The following IAH1 variants were observed in gnomAD, a reference collection of about 807,000 sequenced individuals.
The protein encoded by IAH1 is isoamyl acetate hydrolyzing esterase 1 (putative).
A neutral mutation model predicts 26.7 loss-of-function variants in IAH1; 24 were observed. That is an observed-to-expected ratio of 0.90 (90% CI 0.65 to 1.26). The LOEUF (loss-of-function observed/expected upper bound fraction) is 1.26. Ranked by LOEUF, IAH1 falls within the 50% of genes most tolerant of loss-of-function variation. IAH1 has a pLI of 0.00. For missense variants in IAH1, 300 were observed against 299.9 expected (o/e 1.00, Z 0.00); for synonymous variants, 140 against 118.5 (o/e 1.18, Z -1.18).
downstream of IAH1, among the ~76,000 whole-genome samples, chr2:9,492,223 T>C (rs1420974521): frequency 2.0e-5 from 3 of 152,234 alleles, no homozygotes; most frequent in Non-Finnish European, 4.4e-5. Flanking sequence ...TGGGTGTGAC[T>C]TTCTCATCTC....
downstream of IAH1, among the ~76,000 whole-genome samples, chr2:9,498,864 C>T (rs545232162): frequency 2.0e-5 from 3 of 152,242 alleles, no homozygotes; most frequent in East Asian, 5.8e-4. Flanking sequence ...AGACTAAAGT[C>T]AGAGTATTAG....
Position 9,488,240 on chromosome 2 carries a change from G to T in IAH1, c.658G>T (p.Val220Phe). ...TCTCTGGCCTTTGATAGAGAAAAAG[G>T]TCTCTTCTCTACCTTTGCTGCTTCC... is the stretch of plus-strand genomic sequence containing the variant. ...SHLWPLIEKK[V>F]SSLPLLLPYW... is the part of the protein sequence containing the mutation. The change falls in exon 6 of 6, where the codon GTC becomes TTC. Residue 220 changes from valine (V) to phenylalanine (F), a missense_variant. Coordinates refer to ENST00000497473, the MANE Select transcript of IAH1 (RefSeq NM_001039613.3). 4 of 1,613,300 alleles carry T rather than the reference G, an allele frequency of 2.5e-6. No individual in the cohort carries two copies. Among genetic ancestry groups the T allele is most frequent in the Non-Finnish European group, 3.4e-6 (4 of 1,179,472 alleles).
chr2:9,481,380 T>C lies in IAH1; in HGVS notation c.378T>C (p.Asn126=). Residue 126 remains asparagine (N), a synonymous_variant, in exon 4 of 6, where the codon AAT becomes AAC. Coordinates refer to ENST00000497473, the MANE Select transcript of IAH1 (RefSeq NM_001039613.3). ...QYLKSVDIPE[N]RVILITPTPL... is the part of the protein sequence containing the mutation. The stretch of plus-strand genomic sequence containing the variant: ...TGAAGTCCGTGGACATCCCTGAGAA[T>C]CGAGTCATTCTCATCACGCCGACCC... The C allele has an allele frequency of 6.2e-7, 1 of 1,614,102 alleles. No homozygotes were observed.
intron 2 of IAH1, among the ~76,000 whole-genome samples, chr2:9,476,246 G>A (rs1021155018): frequency 6.6e-6 from 1 of 152,228 alleles, no homozygotes; most frequent in Non-Finnish European, 1.5e-5. Flanking sequence ...AGCACTGATG[G>A]CTGGGTAGAC....
At chr2:9,499,450 G>A (rs1662865211), downstream of IAH1, among the ~76,000 whole-genome samples, 1 of 151,900 alleles carries the variant, frequency 6.6e-6, no homozygotes, top group Non-Finnish European at 1.5e-5. Flanking sequence ...TGCCCAGGCT[G>A]GAGTGCAGTG....
chr2:9,479,772 T>G (rs949175020), intron 3 of IAH1, among the ~76,000 whole-genome samples: 1 of 145,438 alleles, frequency 6.9e-6, no homozygotes, highest in Non-Finnish European at 1.5e-5. Flanking sequence ...GCCAGATGTG[T>G]GTGCGGAGAT....
chr2:9,495,852 C>T (rs1053262552), intron 6 of IAH1, among the ~76,000 whole-genome samples: 3 of 149,320 alleles, frequency 2.0e-5, no homozygotes, highest in Admixed American at 6.7e-5. Context: ...GCATCTGCTA[C>T]GTGTTACCTT....
downstream of IAH1, chr2:9,490,478 C>T (rs147275585): frequency 3.3e-5 from 54 of 1,613,908 alleles, no homozygotes; most frequent in South Asian, 4.4e-5. Context: ...TTTGATAATG[C>T]GAACCGATGC....
chr2:9,484,631 A>AG (rs1355995316), intron 5 of IAH1, 81 bp downstream of exon 5: 43 of 915,424 alleles, frequency 4.7e-5, no homozygotes, highest in Non-Finnish European at 6.2e-5. Flanking sequence ...AGCTTTCCCT[A>AG]GAAAGGCCCT....
At chr2:9,490,466 G>T (rs768949233), downstream of IAH1, 3 of 1,614,018 alleles carry the variant, frequency 1.9e-6, no homozygotes, top group South Asian at 1.1e-5. Flanking sequence ...CGCAGGAAAG[G>T]GTTTGATAAT....
At chr2:9,492,053 A>G (rs1662200376), downstream of IAH1, among the ~76,000 whole-genome samples, 1 of 152,220 alleles carries the variant, frequency 6.6e-6, no homozygotes, top group African/African-American at 2.4e-5. Context: ...CCTGAGGAAG[A>G]GCTGCTCTGT....
At chr2:9,510,267 C>G in the IAH1 span, 19 of 1,001,210 alleles carry the variant, frequency 1.9e-5, no homozygotes, top group Non-Finnish European at 2.6e-5. Flanking sequence ...GCTTATAATA[C>G]CAGCACTTTA....
intron 5 of IAH1, among the ~76,000 whole-genome samples, chr2:9,487,841 C>CAT (rs1661680512): frequency 7.3e-6 from 1 of 137,448 alleles, no homozygotes; most frequent in Admixed American, 7.1e-5. Flanking sequence ...TGTGCGCGCG[C>CAT]GCGCGCGCGC....
chr2:9,505,596 ATTC>A, the IAH1 span: 9 of 536,454 alleles, frequency 1.7e-5, 1 homozygote, highest in South Asian at 1.7e-4. Context: ...AGGATCTATA[ATTC>A]TTCTTACGAA....
downstream of IAH1, chr2:9,497,341 A>C: frequency 6.5e-7 from 1 of 1,526,988 alleles, no homozygotes; most frequent in South Asian, 1.3e-5. Flanking sequence ...ACAAGTGAGC[A>C]TCTTACCTTG....
At chr2:9,496,919 A>G (rs1460300111), downstream of IAH1, among the ~76,000 whole-genome samples, 1 of 152,220 alleles carries the variant, frequency 6.6e-6, no homozygotes, top group African/African-American at 2.4e-5. Context: ...CCAACAGGAT[A>G]GGTCTCCCAG....
downstream of IAH1, among the ~76,000 whole-genome samples, chr2:9,493,402 A>G (rs75459503): frequency 0.015 from 2,211 of 152,270 alleles, 63 homozygotes; most frequent in African/African-American, 0.051. Flanking sequence ...AGCAGGATTC[A>G]GTATATAGCA....
the IAH1 span, among the ~76,000 whole-genome samples, chr2:9,509,646 G>C: frequency 1.3e-5 from 2 of 152,092 alleles, no homozygotes; most frequent in Admixed American, 6.5e-5. Flanking sequence ...ATGACAACTT[G>C]TAAATGAAAT....
chr2:9,476,410 A>G (rs909312396), intron 2 of IAH1, among the ~76,000 whole-genome samples: 1 of 152,210 alleles, frequency 6.6e-6, no homozygotes, highest in African/African-American at 2.4e-5. Flanking sequence ...GCCATGACTT[A>G]AGACTCACCT....
Sources: gnomAD v4.1 joint callset for allele counts (sites outside exome capture counted in the v4.1 genomes callset) on GRCh38, gnomAD v4.1.1 for gene constraint, MANE v1.5 for transcripts, NCBI Gene and HGNC (gene_info 2026-07-23, HGNC 2026-07-21) for gene names.